FOXN1: variants seen among roughly 807,000 people sequenced by gnomAD.
FOXN1 encodes forkhead box N1.
A neutral mutation model predicts 49.0 loss-of-function variants in FOXN1; 15 were observed. The observed-to-expected ratio is 0.31, with a 90% CI of 0.20 to 0.47. FOXN1 has a LOEUF of 0.47. Among genes scored for constraint, FOXN1 ranks in the 20% least tolerant of loss-of-function variants. FOXN1 has a pLI of 1.00. For missense variants in FOXN1, 800 were observed against 842.8 expected (o/e 0.95, Z 0.63); for synonymous variants, 356 against 369.0 (o/e 0.96, Z 0.40).
intron 1 of FOXN1, among the ~76,000 whole-genome samples, chr17:28,511,695 A>C (rs927234541): frequency 6.6e-6 from 1 of 152,060 alleles, no homozygotes; most frequent in Non-Finnish European, 1.5e-5. Context: ...CATTTTATAA[A>C]GGAGGGAACA....
chr17:28,531,378 G>T (rs576923680), intron 6 of FOXN1, among the ~76,000 whole-genome samples: 1 of 152,044 alleles, frequency 6.6e-6, no homozygotes, highest in Non-Finnish European at 1.5e-5. Flanking sequence ...AGTGTCCCAG[G>T]CTGGCTCACC....
intron 1 of FOXN1, among the ~76,000 whole-genome samples, chr17:28,509,951 A>G (rs1202091252): frequency 6.6e-6 from 1 of 152,166 alleles, no homozygotes; most frequent in African/African-American, 2.4e-5. Context: ...GTCAGCTCAG[A>G]TTAATGGGGC....
In FOXN1 at chr17:28,534,316, G is replaced by A; in HGVS notation, c.928-15G>A. On this transcript the variant is annotated splice_polypyrimidine_tract_variant and intron_variant, in intron 6 of 8. Transcript: ENST00000579795. This position sits in a 1 kb window ranked among gnomAD's most constrained non-coding sequence, Gnocchi z 4.1. ...TGAGCCTGGCCTGAATGCTTGTCTTGCTCTGTTCCGGCAGACAGCACCCGA... is the reference window on the plus strand; with the variant it reads ...TGAGCCTGGCCTGAATGCTTGTCTTACTCTGTTCCGGCAGACAGCACCCGA... 1 of 1,614,088 alleles carries A rather than the reference G, an allele frequency of 6.2e-7. No individual in the cohort carries two copies. The highest frequency in any genetic ancestry group is 2.2e-5 in the East Asian group (1 of 44,876).
intron 1 of FOXN1, among the ~76,000 whole-genome samples, chr17:28,507,204 G>A (rs574040342): frequency 9.9e-5 from 15 of 152,158 alleles, no homozygotes; most frequent in Non-Finnish European, 1.5e-4. Flanking sequence ...AAGGCCCTTA[G>A]GGAAGTGGCC....
chr17:28,525,159 G>A (rs973465339), intron 3 of FOXN1, among the ~76,000 whole-genome samples, 192 bp downstream of exon 3: 2 of 152,128 alleles, frequency 1.3e-5, no homozygotes, highest in Admixed American at 6.5e-5. Flanking sequence ...GGGGGCAAGT[G>A]GGGGAGGTAG....
At chr17:28,522,885 G>A (rs1244708730) in intron 1 of FOXN1, among the ~76,000 whole-genome samples, 2 of 151,936 alleles carry the variant, frequency 1.3e-5, no homozygotes, top group South Asian at 2.1e-4. Context: ...TATTCATAAT[G>A]AGAACTGGCA....
Position 28,538,313 on chromosome 17 carries a change from G to C in FOXN1, c.*877G>C, listed in dbSNP as rs1178300623. The C allele has an allele frequency of 6.6e-6, 1 of 152,174 alleles. No homozygotes were observed. Among genetic ancestry groups the C allele is most frequent in the Non-Finnish European group, 1.5e-5 (1 of 68,050 alleles). 9.4% of individuals were successfully genotyped at this position (152,174 alleles called of 1,614,324 possible). ...TCTCACTCCTCCTCCAGAAAGAAAA[G>C]TTCACATAGTTTAGGTCCTGGCTTA... On this transcript the variant is annotated 3_prime_UTR_variant, in exon 9 of 9. Transcript: ENST00000579795.
chr17:28,522,047 A>C (rs970783113), intron 1 of FOXN1, among the ~76,000 whole-genome samples: 2 of 152,210 alleles, frequency 1.3e-5, no homozygotes, highest in Admixed American at 1.3e-4. Flanking sequence ...CCAATGAAGA[A>C]ACCATAAGCA....
chr17:28,533,258 G>A (rs548365812), intron 6 of FOXN1, among the ~76,000 whole-genome samples: 1 of 152,304 alleles, frequency 6.6e-6, no homozygotes, highest in Non-Finnish European at 1.5e-5. Flanking sequence ...AGCCCCACCG[G>A]CCAGAGCGAG....
intron 1 of FOXN1, among the ~76,000 whole-genome samples, chr17:28,508,069 C>T (rs1276695257): frequency 2.0e-5 from 3 of 152,202 alleles, no homozygotes; most frequent in Non-Finnish European, 4.4e-5. Flanking sequence ...GCTCCAGGGC[C>T]TGCCGAGGCA....
At position 28,537,593 on chromosome 17, in the gene FOXN1, G is replaced by A; in HGVS notation, c.*157G>A. ...GTGTCAGCTGGTAGCTGGGGGCGCAGAGGACATCACCTGGGGTGCTGCCTC... is the reference window on the plus strand; with the variant it reads ...GTGTCAGCTGGTAGCTGGGGGCGCAAAGGACATCACCTGGGGTGCTGCCTC... On this transcript the variant is annotated 3_prime_UTR_variant, in exon 9 of 9. Transcript: ENST00000579795. The A allele has an allele frequency of 1.4e-6, 1 of 696,862 alleles. No individual in the cohort carries two copies. Among genetic ancestry groups the A allele is most frequent in the Non-Finnish European group, 2.6e-6 (1 of 387,340 alleles). 43.2% of individuals were successfully genotyped at this position (696,862 alleles called of 1,614,324 possible). A position where few individuals can be genotyped will look rare whatever the true frequency, so the allele number is the denominator to read the frequency against.
At chr17:28,508,008 TCCCCGCCCAG>T (rs1555606382) in intron 1 of FOXN1, among the ~76,000 whole-genome samples, 2 of 152,092 alleles carry the variant, frequency 1.3e-5, no homozygotes, top group African/African-American at 4.8e-5. Context: ...TCCTCCCGGC[TCCCCGCCCAG>T]CCCCGCCCCG....
chr17:28,515,006 T>TACTA (rs1567872127), intron 1 of FOXN1, among the ~76,000 whole-genome samples: 1 of 152,136 alleles, frequency 6.6e-6, no homozygotes. Flanking sequence ...GAGCATAATA[T>TACTA]ACTAGCTGAG....
At chr17:28,533,482 A>AGC (rs1326659064) in intron 6 of FOXN1, among the ~76,000 whole-genome samples, 1 of 116,768 alleles carries the variant, frequency 8.6e-6, no homozygotes, top group African/African-American at 4.2e-5. Flanking sequence ...TATTGGCACG[A>AGC]GCACCCCCCC....
intron 8 of FOXN1, 76 bp from the exon 9 acceptor site, chr17:28,537,041 A>T: frequency 9.1e-7 from 1 of 1,103,112 alleles, no homozygotes; most frequent in Non-Finnish European, 1.4e-6. Context: ...GCATGTGAAG[A>T]TTGACAGGGA....
chr17:28,529,339 C>A, intron 5 of FOXN1, 115 bp downstream of exon 5: 1 of 1,294,290 alleles, frequency 7.7e-7, no homozygotes, highest in Non-Finnish European at 1.1e-6. Context: ...GGAAATCATA[C>A]CAGTGGGCTT....
Position 28,535,165 on chromosome 17 carries a change from A to T in FOXN1, c.1594A>T (p.Ile532Phe), listed in dbSNP as rs760056095. The change falls in exon 8 of 9, where the codon ATC becomes TTC. Residue 532 changes from isoleucine to phenylalanine, a missense_variant. Ile to Phe is a conservative substitution (Grantham distance 21). This residue lies in a region of FOXN1 where 344 missense variants were observed against 366.1 expected (regional missense o/e 0.94). Transcript: ENST00000579795. The part of the protein sequence containing the change: ...DGDLGTDLDA[I>F]NPSLTDFDFQ... ...AGACCTTGGCACTGACCTGGATGCC[A>T]TCAATCCCTCACTCACTGACTTCGA... 2 of 1,613,482 alleles carry T rather than the reference A, an allele frequency of 1.2e-6. No homozygotes were observed. The highest frequency in any genetic ancestry group is 2.2e-5 in the South Asian group (2 of 90,974).
intron 6 of FOXN1, among the ~76,000 whole-genome samples, chr17:28,531,242 C>T (rs575842701): frequency 8.5e-5 from 13 of 152,284 alleles, no homozygotes; most frequent in East Asian, 5.8e-4. Context: ...TAGTCAGCCA[C>T]GGTGACTGGG....
At chr17:28,520,765 G>C (rs2069625614) in intron 1 of FOXN1, among the ~76,000 whole-genome samples, 1 of 152,200 alleles carries the variant, frequency 6.6e-6, no homozygotes, top group African/African-American at 2.4e-5. Flanking sequence ...GATCATTCTG[G>C]GCAGGCCAGA....
Sources: gnomAD v4.1 joint callset for allele counts (sites outside exome capture counted in the v4.1 genomes callset) on GRCh38, gnomAD v4.1.1 for gene constraint, gnomAD v4.1.1 regional missense constraint, Gnocchi (gnomAD v3.1) non-coding constraint, MANE v1.5 for transcripts, NCBI Gene and HGNC (gene_info 2026-07-23, HGNC 2026-07-21) for gene names.